The following CRNN variants were observed in gnomAD, a reference collection of about 807,000 sequenced individuals.
CRNN encodes 53 kDa putative calcium-binding protein.
Under a neutral mutation model 44.7 loss-of-function variants are expected in CRNN, and 39 were observed. The ratio of observed to expected loss-of-function variants is 0.87; its 90% confidence interval spans 0.68 to 1.14. The LOEUF (loss-of-function observed/expected upper bound fraction) is 1.14. Ranked by LOEUF, CRNN falls within the 50% of genes most tolerant of loss-of-function variation. The pLI is 0.00. For missense variants in CRNN, 606 were observed against 605.1 expected (o/e 1.00, Z -0.02); for synonymous variants, 240 against 231.8 (o/e 1.04, Z -0.32).
rs750061053 is a variant in CRNN at position 152,412,309 on chromosome 1, C to CA, written c.-13-64dup. 34 of 1,499,178 alleles carry CA rather than the reference C, an allele frequency of 2.3e-5. No homozygotes were observed. The Middle Eastern group carries it at 5.3e-4, about 23-fold the overall frequency. The allele number at this position is 1,499,178 out of a possible 1,614,324, so 92.9% of individuals were successfully genotyped here. ...TCAACCTCAGCTATTTCCTTTATAG[C>CA]ACGTCTGCTGCTAGGTCTTTCCTTG... On this transcript the variant is annotated intron_variant, in intron 1 of 2. Coordinates refer to ENST00000271835, the MANE Select transcript of CRNN (RefSeq NM_016190.3).
At position 152,412,137 on chromosome 1, in the gene CRNN, GCTC is replaced by G. The variant is rs1655787105; in HGVS notation, c.94_96del (p.Glu32del). The stretch of plus-strand genomic sequence containing the variant: ...AACTCTTGCTCCAAGAGTCTTTTCA[GCTC>G]CCCTCGGGTGAGCGCTGTGCAGTTG... On this transcript the variant is annotated inframe_deletion, in exon 2 of 3. Coordinates refer to ENST00000271835, the MANE Select transcript of CRNN (RefSeq NM_016190.3). The G allele has an allele frequency of 6.8e-6, 11 of 1,611,998 alleles. No homozygotes were observed. The highest frequency in any genetic ancestry group is 1.7e-5 in the Admixed American group (1 of 59,938).
rs748347959 is a variant in CRNN at position 152,410,773 on chromosome 1, T to C, written c.309A>G (p.Gly103=). The change falls in exon 3 of 3, where the codon GGA becomes GGG. Residue 103 remains glycine, a synonymous_variant. Coordinates refer to ENST00000271835, the MANE Select transcript of CRNN (RefSeq NM_016190.3). ...AEGACGSQES[G]SLHSGASQEL... is the part of the protein sequence containing the mutation. ...CCTGCGAGGCCCCAGAGTGGAGGCT[T>C]CCAGACTCTTGAGAGCCGCAGGCTC... 18 of 1,614,108 alleles carry C rather than the reference T, an allele frequency of 1.1e-5. No homozygotes were observed. Among genetic ancestry groups the C allele is most frequent in the Non-Finnish European group, 1.5e-5 (18 of 1,180,044 alleles).
chr1:152,412,160 C>T lies in CRNN; in HGVS notation c.74G>A (p.Cys25Tyr). 4 of 1,613,766 alleles carry T rather than the reference C, an allele frequency of 2.5e-6. No homozygotes were observed. Among genetic ancestry groups the T allele is most frequent in the Non-Finnish European group, 3.4e-6 (4 of 1,179,694 alleles). Residue 25 changes from cysteine (C) to tyrosine (Y), a missense_variant, in exon 2 of 3, where the codon TGC becomes TAC. By Grantham distance (194) the Cys-to-Tyr change is radical. Coordinates refer to ENST00000271835, the MANE Select transcript of CRNN (RefSeq NM_016190.3). The stretch of plus-strand genomic sequence containing the variant: ...CAGCTCCCCTCGGGTGAGCGCTGTG[C>T]AGTTGCCCTCCGTCCTTGCATAGCG... ...FRRYARTEGN[C>Y]TALTRGELKR... is the part of the protein sequence containing the mutation.
At chr1:152,411,683 C>A (rs995632711) in intron 2 of CRNN, among the ~76,000 whole-genome samples, 1 of 152,168 alleles carries the variant, frequency 6.6e-6, no homozygotes, top group Admixed American at 6.5e-5. Context: ...TTCGTGCAAG[C>A]CCAGAGCTAT....
At chr1:152,410,978 C>T in intron 2 of CRNN, 35 bp from the exon 3 acceptor site, 1 of 1,563,978 alleles carries the variant, frequency 6.4e-7, no homozygotes, top group Non-Finnish European at 8.6e-7. Context: ...AGCATCCCTC[C>T]CCTGAGGAGG....
chr1:152,409,705 G>A lies in CRNN; in HGVS notation c.1377C>T (p.Asn459=). 1 of 1,614,222 alleles carries A rather than the reference G, an allele frequency of 6.2e-7. No individual in the cohort carries two copies. The highest frequency in any genetic ancestry group is 8.5e-7 in the Non-Finnish European group (1 of 1,180,026). Reference sequence around the variant, plus strand: ...GTGCTGAGGAAACACTGGTATGCAAGTTGCCCTGGTCCAGCCTGAGGATCA... The same window carrying A: ...GTGCTGAGGAAACACTGGTATGCAAATTGCCCTGGTCCAGCCTGAGGATCA... ...ETVILRLDQG[N]LHTSVSSAQG... Residue 459 remains asparagine, a synonymous_variant, in exon 3 of 3, where the codon AAC becomes AAT. Transcript: ENST00000271835.
Position 152,412,211 on chromosome 1 carries a change from AT to A in CRNN, c.22del (p.Ile8LeufsTer26). 1.2e-6 allele frequency: 2 copies of A among 1,611,532 alleles called. No individual in the cohort carries two copies. The highest frequency in any genetic ancestry group is 1.7e-6 in the Non-Finnish European group (2 of 1,177,866). MPQLLQN[I>X]NGIIEAFRRY... ...CCTGAAGGCCTCGATGATCCCATTA[AT>A]GTTTTGCAGTAACTGAGGCATCTTT... is the stretch of plus-strand genomic sequence containing the variant. On this transcript the variant is annotated frameshift_variant, in exon 2 of 3. Transcript: ENST00000271835. LOFTEE classifies it high-confidence loss of function.
At chr1:152,413,607 C>A (rs1409773990) in intron 1 of CRNN, among the ~76,000 whole-genome samples, 1 of 152,162 alleles carries the variant, frequency 6.6e-6, no homozygotes, top group African/African-American at 2.4e-5. Context: ...CAATTTCAGG[C>A]AAACTTTTCA....
At chr1:152,413,819 T>G (rs950394644) in intron 1 of CRNN, among the ~76,000 whole-genome samples, 2 of 152,244 alleles carry the variant, frequency 1.3e-5, no homozygotes, top group African/African-American at 4.8e-5. Context: ...AGGGGAATCA[T>G]GTAAACCCCT....
chr1:152,409,643 C>A lies in CRNN; in HGVS notation c.1439G>T (p.Gly480Val). 1.2e-6 allele frequency: 2 copies of A among 1,614,040 alleles called. No individual in the cohort carries two copies. Among genetic ancestry groups the A allele is most frequent in the Non-Finnish European group, 1.7e-6 (2 of 1,179,980 alleles). ...QDAAQSEEKRGITARELYSYL... is the reference protein window; with the variant it reads ...QDAAQSEEKRVITARELYSYL... ...GGAATACAGCTCTCTAGCTGTGATG[C>A]CTCGCTTCTCTTCTGACTGGGCTGC... is the stretch of plus-strand genomic sequence containing the variant. Residue 480 changes from glycine to valine, a missense_variant, in exon 3 of 3, where the codon GGC becomes GTC. Physicochemically the swap from Gly to Val is moderately radical, Grantham distance 109. Coordinates refer to ENST00000271835, the MANE Select transcript of CRNN (RefSeq NM_016190.3).
chr1:152,412,267 C>T lies in CRNN; in HGVS notation c.-13-21G>A, dbSNP rs576420759. The T allele has an allele frequency of 1.7e-4, 269 of 1,589,462 alleles. 4 individuals carry two copies. In the South Asian group the frequency reaches 2.9e-3, roughly 17 times the overall value. On this transcript the variant is annotated intron_variant, in intron 1 of 2. Transcript: ENST00000271835. ...TCAACCTGGAAAAGATGAAAAGTTC[C>T]CTTGGAGGCTCCATAATCAACCTCA...
At chr1:152,412,394 T>A in intron 1 of CRNN, 148 bp from the exon 2 acceptor site, 2 of 793,434 alleles carry the variant, frequency 2.5e-6, no homozygotes, top group Non-Finnish European at 3.9e-6. Flanking sequence ...ATCTTATGTA[T>A]GGGAAGGAGG....
rs35687165 is a variant in CRNN at position 152,412,736 on chromosome 1, CT to C, written c.-13-491del. The stretch of plus-strand genomic sequence containing the variant: ...TCTCTTCTAATCCTTATTATTTCCA[CT>C]TTTTTTTATAGGTGAGGAAACAGGC... On this transcript the variant is annotated intron_variant, in intron 1 of 2. Transcript: ENST00000271835. 5.9e-5 allele frequency among the ~76,000 whole-genome samples: 9 copies of C among 152,118 alleles called. No homozygotes were observed. In the East Asian group the frequency reaches 1.2e-3, roughly 20 times the overall value.
At chr1:152,412,610 T>C (rs548391878) in intron 1 of CRNN, among the ~76,000 whole-genome samples, 1 of 152,384 alleles carries the variant, frequency 6.6e-6, no homozygotes, top group South Asian at 2.1e-4. Flanking sequence ...GATGCCTGGC[T>C]TATATTAAGT....
chr1:152,410,055 T>A lies in CRNN; in HGVS notation c.1027A>T (p.Thr343Ser). ...QGRSQTSQAV[T>S]GGHTQIQAGS... ...GCCTGTATCTGAGTGTGTCCTCCTG[T>A]CACAGCCTGGCTGGTCTGGCTCCTG... is the stretch of plus-strand genomic sequence containing the variant. The change falls in exon 3 of 3, where the codon ACA becomes TCA. Residue 343 changes from threonine to serine, a missense_variant. Transcript: ENST00000271835. 1 of 1,614,032 alleles carries A rather than the reference T, an allele frequency of 6.2e-7. No homozygotes were observed. Among genetic ancestry groups the A allele is most frequent in the Non-Finnish European group, 8.5e-7 (1 of 1,179,978 alleles).
In CRNN at chr1:152,410,455, C is replaced by G; in HGVS notation, c.627G>C (p.Glu209Asp). ...KRNQTTEMRP[E>D]RQPQTREQDR... ...CCTGTTCCCTGGTCTGTGGCTGTCT[C>G]TCTGGCCTCATCTCTGTTGTCTGAT... Residue 209 changes from glutamate to aspartate, a missense_variant, in exon 3 of 3, where the codon GAG (glutamate) becomes GAC (aspartate). Transcript: ENST00000271835. 6.2e-7 allele frequency: 1 copy of G among 1,614,198 alleles called. No individual in the cohort carries two copies. The highest frequency in any genetic ancestry group is 8.5e-7 in the Non-Finnish European group (1 of 1,180,042).
chr1:152,411,187 A>G (rs936472715), intron 2 of CRNN, among the ~76,000 whole-genome samples: 10 of 152,196 alleles, frequency 6.6e-5, no homozygotes, highest in African/African-American at 2.4e-4. Flanking sequence ...GGAAAATTAG[A>G]TAAAGATTTA....
intron 2 of CRNN, among the ~76,000 whole-genome samples, chr1:152,411,774 G>A (rs989395021): frequency 2.6e-5 from 4 of 152,112 alleles, no homozygotes; most frequent in East Asian, 1.9e-4. Flanking sequence ...TTTAAGAGGC[G>A]GCAGAAAGCA....
In CRNN at chr1:152,414,223, A is replaced by T. The variant is rs1655845535; in HGVS notation, c.-23T>A. ...TTATGAGGGGACTTACCTAATGCCC[A>T]GGTGGGATGAAACAAGTGGCTGTTA... On this transcript the variant is annotated 5_prime_UTR_variant, in exon 1 of 3. Transcript: ENST00000271835. The T allele has an allele frequency of 6.6e-6, 1 of 152,462 alleles. No homozygotes were observed. The highest frequency in any genetic ancestry group is 2.4e-5 in the African/African-American group (1 of 41,478). The allele number at this position is 152,462 out of a possible 1,614,324, so 9.4% of individuals were successfully genotyped here. A position where few individuals can be genotyped will look rare whatever the true frequency, so the allele number is the denominator to read the frequency against.
Sources: gnomAD v4.1 joint callset for allele counts (sites outside exome capture counted in the v4.1 genomes callset) on GRCh38, gnomAD v4.1.1 for gene constraint, MANE v1.5 for transcripts, NCBI Gene and HGNC (gene_info 2026-07-23, HGNC 2026-07-21) for gene names.